ANAPC5: variants seen among roughly 807,000 people sequenced by gnomAD.
The protein encoded by ANAPC5 is anaphase-promoting complex subunit 5.
A neutral mutation model predicts 91.3 loss-of-function variants in ANAPC5; 60 were observed. The observed-to-expected ratio is 0.66, with a 90% CI of 0.53 to 0.81. The LOEUF is 0.81. ANAPC5 is among the 40% of genes least tolerant of loss of function. The pLI, the probability that ANAPC5 is intolerant of heterozygous loss-of-function variation, is 0.00. For missense variants in ANAPC5, 690 were observed against 931.5 expected (o/e 0.74, Z 3.37); for synonymous variants, 340 against 364.1 (o/e 0.93, Z 0.75).
At chr12:121,312,001 A>G (rs1437348866) in intron 15 of ANAPC5, among the ~76,000 whole-genome samples, 4 of 152,196 alleles carry the variant, frequency 2.6e-5, no homozygotes, top group Admixed American at 2.6e-4. Flanking sequence ...ATGCCACCCA[A>G]TGATACATCA....
At chr12:121,319,923 C>A in intron 12 of ANAPC5, 105 bp from the exon 13 acceptor site, 2 of 1,116,958 alleles carry the variant, frequency 1.8e-6, no homozygotes, top group Non-Finnish European at 1.2e-6. Flanking sequence ...TACAATAATT[C>A]ACACATATTC....
intron 15 of ANAPC5, among the ~76,000 whole-genome samples, chr12:121,316,732 CAAAAAAAAAAAA>C (rs35989752): frequency 3.8e-4 from 11 of 28,970 alleles, no homozygotes; most frequent in Admixed American, 1.6e-3. Context: ...GACTCTGTCT[CAAAAAAAAAAAA>C]AAAAAAAAAA....
At chr12:121,335,800 G>T in intron 6 of ANAPC5, 77 bp from the exon 7 acceptor site, 1 of 1,240,906 alleles carries the variant, frequency 8.1e-7, no homozygotes, top group Non-Finnish European at 1.1e-6. Flanking sequence ...GAGTTCCACT[G>T]TCTACAAACA....
rs181929864 is a variant in ANAPC5 at position 121,347,098 on chromosome 12, T to C, written c.288-93A>G. The C allele has an allele frequency of 4.5e-4, 311 of 690,616 alleles. 1 individual carries two copies. The African/African-American group carries it at 4.8e-3, about 11-fold the overall frequency. The allele number at this position is 690,616 out of a possible 1,614,324, so 42.8% of individuals were successfully genotyped here. On this transcript the variant is annotated intron_variant, in intron 2 of 16. Transcript: ENST00000261819. ...CTCAATTACCTCAAATAATGTATTT[T>C]ACAGGCAATTCAGAGATTTGTATAA...
At chr12:121,340,242 C>T (rs540072356) in intron 5 of ANAPC5, among the ~76,000 whole-genome samples, 2 of 145,320 alleles carry the variant, frequency 1.4e-5, no homozygotes, top group African/African-American at 2.5e-5. Context: ...CGCTTGAACC[C>T]GGGAGGCAGA....
chr12:121,344,764 A>T (rs974496378), intron 4 of ANAPC5, among the ~76,000 whole-genome samples: 6 of 152,136 alleles, frequency 3.9e-5, no homozygotes, highest in African/African-American at 1.4e-4. Context: ...GTAGTCAAGA[A>T]ACTGAAGGAT....
At chr12:121,327,014 A>G in intron 11 of ANAPC5, 82 bp downstream of exon 11, 1 of 1,490,664 alleles carries the variant, frequency 6.7e-7, no homozygotes, top group East Asian at 2.4e-5. Flanking sequence ...ACACGTGTCC[A>G]GTGCTTTCCT....
Position 121,309,833 on chromosome 12 carries a change from T to C in ANAPC5, c.1924A>G (p.Ser642Gly). Residue 642 changes from serine to glycine, a missense_variant, in exon 16 of 17, where the codon AGT (serine) becomes GGT (glycine). This residue lies in a region of ANAPC5 where 317 missense variants were observed against 438.7 expected (regional missense o/e 0.72). Transcript: ENST00000261819. The part of the protein sequence containing the change: ...LILGIPEQAL[S>G]LLHMAIEPIL... Reference sequence around the variant, plus strand: ...GGCTCGATGGCCATGTGGAGAAGACTTAAGGCCTGTTCTGGGATTCCAAGA... The same window carrying C: ...GGCTCGATGGCCATGTGGAGAAGACCTAAGGCCTGTTCTGGGATTCCAAGA... 1.2e-6 allele frequency: 2 copies of C among 1,613,934 alleles called. No homozygotes were observed. The highest frequency in any genetic ancestry group is 1.7e-6 in the Non-Finnish European group (2 of 1,179,934).
rs373880794 is a variant in ANAPC5 at position 121,335,642 on chromosome 12, G to A, written c.841C>T (p.Leu281=). 2.5e-5 allele frequency: 41 copies of A among 1,613,988 alleles called. No individual in the cohort carries two copies. The East Asian group carries it at 3.1e-4, about 12-fold the overall frequency. ...THSLLHYFDR[L]ILTGAESKSN... is the part of the protein sequence containing the mutation. Reference sequence around the variant, plus strand: ...TTGCTTTCGGCTCCGGTAAGAATCAGACGATCAAAATAATGGAGGAGACTG... The same window carrying A: ...TTGCTTTCGGCTCCGGTAAGAATCAAACGATCAAAATAATGGAGGAGACTG... Residue 281 remains leucine (L), a synonymous_variant, in exon 7 of 17, where the codon CTG becomes TTG. Transcript: ENST00000261819.
At chr12:121,334,108 T>G (rs782378935) in intron 7 of ANAPC5, 3 of 152,106 alleles carry the variant, frequency 2.0e-5, no homozygotes, top group Non-Finnish European at 4.4e-5. Context: ...AGATCCTACC[T>G]CTACAAAAAA....
Position 121,337,361 on chromosome 12 carries a change from G to A in ANAPC5, c.689C>T (p.Ala230Val), listed in dbSNP as rs1555273605. 1 of 1,613,678 alleles carries A rather than the reference G, an allele frequency of 6.2e-7. No individual in the cohort carries two copies. Among genetic ancestry groups the A allele is most frequent in the Non-Finnish European group, 8.5e-7 (1 of 1,179,720 alleles). Residue 230 changes from alanine (A) to valine (V), a missense_variant, in exon 6 of 17, where the codon GCC (alanine) becomes GTC (valine). By Grantham distance (64) the Ala-to-Val change is moderately conservative. Around this residue, in one of 5 missense-constraint regions of ANAPC5, gnomAD observed 83 missense variants for 150.8 expected, o/e 0.55. Transcript: ENST00000261819. ...CTTCTGCAAGGAAGCTGGAGTGAGG[G>A]CCTTAGTCTCATCATTCTTTAGCAA... is the stretch of plus-strand genomic sequence containing the variant. ...ASLLKNDETK[A>V]LTPASLQKEL...
chr12:121,313,047 C>A (rs943372919), intron 15 of ANAPC5, among the ~76,000 whole-genome samples: 1 of 152,144 alleles, frequency 6.6e-6, no homozygotes, highest in Admixed American at 6.6e-5. Context: ...GAAAAGAGGC[C>A]GGGCGCGGTG....
chr12:121,347,034 T>C, intron 2 of ANAPC5, 29 bp from the exon 3 acceptor site: 1 of 1,408,536 alleles, frequency 7.1e-7, no homozygotes, highest in South Asian at 1.2e-5. Flanking sequence ...GTGCATATTT[T>C]AGAAAGGCCC....
intron 1 of ANAPC5, among the ~76,000 whole-genome samples, chr12:121,351,876 G>C (rs184189601): frequency 9.9e-5 from 15 of 151,872 alleles, no homozygotes; most frequent in Non-Finnish European, 2.1e-4. Context: ...TACAGGATCT[G>C]AGACTCTAAC....
In ANAPC5 at chr12:121,348,668, T is replaced by TA. The variant is rs1295992779; in HGVS notation, c.208-788dup. Among the ~76,000 whole-genome samples the TA allele has an allele frequency of 6.8e-3, 1,018 of 150,714 alleles. 12 individuals carry two copies. Among genetic ancestry groups the TA allele is most frequent in the African/African-American group, 0.024 (967 of 40,344 alleles). ...CGACAGAGCAAGACTCCGTCTCCAA[T>TA]AAAAAAAAAAGAGTACCACAAGGAA... On this transcript the variant is annotated intron_variant, in intron 1 of 16. Coordinates refer to ENST00000261819, the MANE Select transcript of ANAPC5 (RefSeq NM_016237.5).
chr12:121,320,636 C>T, intron 11 of ANAPC5, 177 bp from the exon 12 acceptor site: 1 of 445,506 alleles, frequency 2.2e-6, no homozygotes, highest in Non-Finnish European at 4.0e-6. Context: ...CAGAGTCTCG[C>T]TCTGTAGCCC....
chr12:121,337,597 C>G (rs1187156235), intron 5 of ANAPC5, among the ~76,000 whole-genome samples: 1 of 152,152 alleles, frequency 6.6e-6, no homozygotes, highest in Non-Finnish European at 1.5e-5. Context: ...TCTTGACCAT[C>G]TACAACACTG....
chr12:121,336,949 G>C (rs1903258355), intron 6 of ANAPC5, among the ~76,000 whole-genome samples: 2 of 152,208 alleles, frequency 1.3e-5, no homozygotes, highest in Admixed American at 1.3e-4. Flanking sequence ...GCCAGGCGCA[G>C]TGGCTCACGC....
intron 9 of ANAPC5, 123 bp from the exon 10 acceptor site, chr12:121,328,620 G>T (rs1902908815): frequency 3.3e-6 from 3 of 905,010 alleles, no homozygotes; most frequent in South Asian, 1.7e-5. Flanking sequence ...TATTTAAAAG[G>T]AAAGTACCTA....
Sources: gnomAD v4.1 joint callset for allele counts (sites outside exome capture counted in the v4.1 genomes callset) on GRCh38, gnomAD v4.1.1 for gene constraint, gnomAD v4.1.1 regional missense constraint, MANE v1.5 for transcripts, NCBI Gene and HGNC (gene_info 2026-07-23, HGNC 2026-07-21) for gene names.